RGS7: variants seen among roughly 807,000 people sequenced by gnomAD.
The protein encoded by RGS7 is regulator of G-protein signaling 7.
Under a neutral mutation model 81.1 loss-of-function variants are expected in RGS7, and 27 were observed. That is an observed-to-expected ratio of 0.33 (90% CI 0.25 to 0.46). The LOEUF is 0.46. Ranked by LOEUF, RGS7 falls within the 20% of genes least tolerant of loss-of-function variation. RGS7 has a pLI of 1.00. For missense variants in RGS7, 396 were observed against 607.4 expected (o/e 0.65, Z 3.66); for synonymous variants, 208 against 207.7 (o/e 1.00, Z -0.01).
chr1:241,224,091 T>A (rs1013509196), intron 2 of RGS7, among the ~76,000 whole-genome samples: 15 of 151,218 alleles, frequency 9.9e-5, no homozygotes, highest in Admixed American at 2.6e-4. Context: ...ATATATATAT[T>A]TCTTTAATTT....
intron 2 of RGS7, among the ~76,000 whole-genome samples, chr1:241,252,863 T>C (rs973352518): frequency 6.6e-6 from 1 of 152,208 alleles, no homozygotes; most frequent in Non-Finnish European, 1.5e-5. Flanking sequence ...TAGTCATCCA[T>C]ATCTCCCCAA....
intron 2 of RGS7, among the ~76,000 whole-genome samples, chr1:241,116,101 T>A (rs925979898): frequency 6.6e-6 from 1 of 152,172 alleles, no homozygotes; most frequent in Admixed American, 6.6e-5. Context: ...TGTGGAACTG[T>A]GAGTCAACTA....
chr1:240,903,898 G>A (rs1353879340), intron 6 of RGS7, among the ~76,000 whole-genome samples: 1 of 152,188 alleles, frequency 6.6e-6, no homozygotes. Context: ...TCTCCCATGA[G>A]AGGAAGCAGC....
chr1:241,044,422 G>A (rs188890466), intron 3 of RGS7, among the ~76,000 whole-genome samples: 19 of 151,754 alleles, frequency 1.3e-4, no homozygotes, highest in East Asian at 5.8e-4. Flanking sequence ...GAATTCATTC[G>A]TTTGTTTGTT....
chr1:241,187,534 T>C lies in RGS7; in HGVS notation c.79-88772A>G, dbSNP rs182926905. On this transcript the variant is annotated intron_variant, in intron 2 of 18. Coordinates refer to ENST00000440928, the MANE Select transcript of RGS7 (RefSeq NM_001364886.1). ...CTCCTTAAAAAGGTACTCCAGTTGTTTGGAATAATTGCAGTCTCGTTTCAG... is the reference window on the plus strand; with the variant it reads ...CTCCTTAAAAAGGTACTCCAGTTGTCTGGAATAATTGCAGTCTCGTTTCAG... Among the ~76,000 whole-genome samples, 88 of 152,286 alleles carry C rather than the reference T, an allele frequency of 5.8e-4. 1 individual carries two copies. The highest frequency in any genetic ancestry group is 2.1e-3 in the African/African-American group (87 of 41,568).
At chr1:240,875,102 A>C (rs988076398) in intron 6 of RGS7, among the ~76,000 whole-genome samples, 1 of 152,098 alleles carries the variant, frequency 6.6e-6, no homozygotes, top group Non-Finnish European at 1.5e-5. Flanking sequence ...TTCAAGTATT[A>C]ATGGTAACTA....
intron 2 of RGS7, among the ~76,000 whole-genome samples, chr1:241,180,406 C>CA (rs1356754992): frequency 8.6e-5 from 13 of 151,544 alleles, no homozygotes; most frequent in Non-Finnish European, 1.3e-4. Flanking sequence ...ACAACAACAA[C>CA]AACAAAAAAC....
chr1:241,011,575 A>G (rs2058958473), intron 3 of RGS7, among the ~76,000 whole-genome samples: 1 of 152,144 alleles, frequency 6.6e-6, no homozygotes, highest in Admixed American at 6.5e-5. Flanking sequence ...ATCTTGAGTA[A>G]GGGCTAGGGA....
chr1:240,957,616 G>A (rs1434817846), intron 4 of RGS7, among the ~76,000 whole-genome samples: 1 of 152,154 alleles, frequency 6.6e-6, no homozygotes, highest in East Asian at 1.9e-4. Context: ...AAGGAAATCA[G>A]AAAGTATTGA....
At chr1:240,780,868 C>T (rs1221435502) in intron 18 of RGS7, among the ~76,000 whole-genome samples, 6 of 146,854 alleles carry the variant, frequency 4.1e-5, no homozygotes, top group African/African-American at 1.3e-4. Context: ...GAGTCGAGAT[C>T]GCACCACTGC....
chr1:240,889,569 C>A (rs760104137), intron 6 of RGS7, among the ~76,000 whole-genome samples: 3 of 152,164 alleles, frequency 2.0e-5, no homozygotes, highest in African/African-American at 4.8e-5. Context: ...GTAATTATTT[C>A]TCCGCTTCTA....
At chr1:240,788,262 A>G (rs1357283651) in intron 18 of RGS7, among the ~76,000 whole-genome samples, 2 of 152,246 alleles carry the variant, frequency 1.3e-5, no homozygotes, top group African/African-American at 2.4e-5. Context: ...AGTATGCCAT[A>G]TATTTAATTA....
chr1:240,885,722 A>G (rs1281349961), intron 6 of RGS7, among the ~76,000 whole-genome samples: 1 of 152,170 alleles, frequency 6.6e-6, no homozygotes, highest in Non-Finnish European at 1.5e-5. Context: ...CGAAGAGGGG[A>G]GCAACAGACA....
intron 2 of RGS7, among the ~76,000 whole-genome samples, chr1:241,141,400 G>A (rs943398261): frequency 2.0e-5 from 3 of 152,172 alleles, no homozygotes; most frequent in Non-Finnish European, 4.4e-5. Context: ...CAGATTCACT[G>A]TATTAATCCA....
chr1:241,187,840 C>T (rs1165083269), intron 2 of RGS7, among the ~76,000 whole-genome samples: 1 of 152,126 alleles, frequency 6.6e-6, no homozygotes, highest in Non-Finnish European at 1.5e-5. Context: ...TAGCTTAATT[C>T]CATTACTGAT....
At chr1:241,138,128 T>A (rs966127115) in intron 2 of RGS7, among the ~76,000 whole-genome samples, 3 of 143,144 alleles carry the variant, frequency 2.1e-5, no homozygotes, top group African/African-American at 8.0e-5. Context: ...GTTGAGATCA[T>A]GCCACTGCAC....
intron 6 of RGS7, among the ~76,000 whole-genome samples, chr1:240,923,260 A>G (rs1390684116): frequency 6.6e-6 from 1 of 152,090 alleles, no homozygotes; most frequent in Admixed American, 6.5e-5. Flanking sequence ...TAAATGTTAT[A>G]CATTTCTGAA....
intron 4 of RGS7, among the ~76,000 whole-genome samples, chr1:240,971,267 C>A (rs1267896189): frequency 6.6e-6 from 1 of 152,176 alleles, no homozygotes; most frequent in Non-Finnish European, 1.5e-5. Context: ...TGACCTTGGA[C>A]TTCCCAGTTT....
chr1:241,047,015 C>T (rs4660028), intron 3 of RGS7, among the ~76,000 whole-genome samples: 28,472 of 152,050 alleles, frequency 0.19, 2,961 homozygotes, highest in Non-Finnish European at 0.23. Context: ...ATTTTGTGAG[C>T]AGTCCATGAA....
Sources: allele counts gnomAD v4.1 joint callset (sites outside exome capture counted in the v4.1 genomes callset), GRCh38; gene constraint gnomAD v4.1.1; transcripts MANE v1.5; gene names NCBI Gene and HGNC (gene_info 2026-07-23, HGNC 2026-07-21).